The following ARHGEF10 variants were observed in gnomAD, a reference collection of about 807,000 sequenced individuals.
ARHGEF10 encodes Rho guanine nucleotide exchange factor (GEF) 10.
A neutral mutation model predicts 147.4 loss-of-function variants in ARHGEF10; 140 were observed. The ratio of observed to expected loss-of-function variants is 0.95; its 90% CI spans 0.83 to 1.09. The LOEUF is 1.09. Ranked by LOEUF, ARHGEF10 falls within the 50% of genes least tolerant of loss-of-function variation. ARHGEF10 has a pLI of 0.00. For missense variants in ARHGEF10, 2,222 were observed against 1,752.7 expected (o/e 1.27, Z -4.78); for synonymous variants, 902 against 695.8 (o/e 1.30, Z -4.67).
intron 7 of ARHGEF10, among the ~76,000 whole-genome samples, chr8:1,874,717 C>T (rs528635386): frequency 5.2e-4 from 77 of 147,954 alleles, no homozygotes; most frequent in African/African-American, 1.6e-3. Context: ...AGACACACAC[C>T]GGGGTGTGTA....
At chr8:1,887,621 T>C (rs1808790781) in intron 11 of ARHGEF10, among the ~76,000 whole-genome samples, 1 of 143,506 alleles carries the variant, frequency 7.0e-6, no homozygotes, top group African/African-American at 2.6e-5. Flanking sequence ...CAGGTGAGGG[T>C]TGTGAGGAGA....
intron 18 of ARHGEF10, among the ~76,000 whole-genome samples, chr8:1,918,921 G>A (rs540973206): frequency 1.3e-5 from 2 of 151,892 alleles, no homozygotes; most frequent in Non-Finnish European, 2.9e-5. Flanking sequence ...GGTGTTCTGT[G>A]AGTGATGGAG....
intron 4 of ARHGEF10, among the ~76,000 whole-genome samples, chr8:1,862,500 C>T (rs541489720): frequency 3.3e-5 from 5 of 152,372 alleles, no homozygotes; most frequent in South Asian, 4.1e-4. Flanking sequence ...CCCTGGCCAG[C>T]GTGTCTGCCT....
chr8:1,914,500 G>A (rs1019679382), intron 18 of ARHGEF10, among the ~76,000 whole-genome samples: 4 of 152,264 alleles, frequency 2.6e-5, no homozygotes, highest in African/African-American at 7.2e-5. Context: ...TCCAGAGTAA[G>A]GTACTTCTGG....
At chr8:1,889,056 TGAG>T (rs1270003941) in intron 11 of ARHGEF10, among the ~76,000 whole-genome samples, 1 of 88,692 alleles carries the variant, frequency 1.1e-5, no homozygotes, top group African/African-American at 5.8e-5. Context: ...GTGCGGGTCA[TGAG>T]GAGACAGTGA....
chr8:1,864,259 G>A (rs1806391811), intron 4 of ARHGEF10, 114 bp from the exon 5 acceptor site: 1 of 1,055,148 alleles, frequency 9.5e-7, no homozygotes, highest in African/African-American at 1.6e-5. Context: ...CTTATGCTAA[G>A]ATAAGCCTCT....
intron 1 of ARHGEF10, among the ~76,000 whole-genome samples, chr8:1,840,512 G>A (rs557528319): frequency 6.3e-5 from 9 of 143,042 alleles, no homozygotes; most frequent in Non-Finnish European, 9.1e-5. Flanking sequence ...GGGACTGTCC[G>A]GTGTGGAATC....
rs769790083 is a variant in ARHGEF10 at position 1,957,052 on chromosome 8, G to C, written c.3824G>C (p.Arg1275Thr). 6.8e-6 allele frequency: 11 copies of C among 1,613,722 alleles called. No homozygotes were observed. Among genetic ancestry groups the C allele is most frequent in the Non-Finnish European group, 5.1e-6 (6 of 1,180,032 alleles). The change falls in exon 29 of 29, where the codon AGA becomes ACA. Residue 1275 changes from arginine (R) to threonine (T), a missense_variant. Coordinates refer to ENST00000349830, the MANE Select transcript of ARHGEF10 (RefSeq NM_014629.4). ...CACGGCTCCAGCTCTCTAGAGCACAGATCAGAGGACAGCACCATCTATGAT... is the reference window on the plus strand; with the variant it reads ...CACGGCTCCAGCTCTCTAGAGCACACATCAGAGGACAGCACCATCTATGAT... ...LSHGSSSLEH[R>T]SEDSTIYDLL...
rs563775832 is a variant in ARHGEF10, at chr8:1,919,520, T to C, written c.2144-3444T>C. ...TTCCGTGGGTGATGGAGCTATTCTG[T>C]GGGTGATAAACTGTTCTGTCGAGTG... On this transcript the variant is annotated intron_variant, in intron 18 of 28. Coordinates refer to ENST00000349830, the MANE Select transcript of ARHGEF10 (RefSeq NM_014629.4). Among the ~76,000 whole-genome samples, 27 of 144,384 alleles carry C rather than the reference T, an allele frequency of 1.9e-4. 1 individual carries two copies. The highest frequency in any genetic ancestry group is 6.8e-4 in the African/African-American group (26 of 38,158). 94.7% of individuals were successfully genotyped at this position (144,384 alleles called of 152,430 possible).
At chr8:1,935,406 G>A (rs574852456) in intron 26 of ARHGEF10, among the ~76,000 whole-genome samples, 209 of 152,242 alleles carry the variant, frequency 1.4e-3, no homozygotes, top group Non-Finnish European at 2.6e-3. Flanking sequence ...CTACAGCATC[G>A]CGCAGAGTGG....
At chr8:1,869,336 C>G (rs760341794) in intron 7 of ARHGEF10, 86 bp downstream of exon 7, 2 of 1,162,152 alleles carry the variant, frequency 1.7e-6, no homozygotes, top group Non-Finnish European at 1.3e-6. Context: ...TAGTGGACGG[C>G]CCAGACGTTT....
chr8:1,891,421 G>A (rs1414460032), intron 11 of ARHGEF10, among the ~76,000 whole-genome samples: 4 of 152,190 alleles, frequency 2.6e-5, no homozygotes, highest in Admixed American at 2.6e-4. Flanking sequence ...GTGGAAAAAG[G>A]CAAATGTTCT....
At chr8:1,841,891 C>T (rs1357557290) in intron 1 of ARHGEF10, among the ~76,000 whole-genome samples, 1 of 103,140 alleles carries the variant, frequency 9.7e-6, no homozygotes, top group Non-Finnish European at 1.9e-5. Flanking sequence ...GGGGCCGCGG[C>T]GGGAACTGGG....
Position 1,843,696 on chromosome 8 carries a change from A to G in ARHGEF10, c.37+260A>G, listed in dbSNP as rs144534667. Among the ~76,000 whole-genome samples, 271 of 152,276 alleles carry G rather than the reference A, an allele frequency of 1.8e-3. 1 individual carries two copies. Among genetic ancestry groups the G allele is most frequent in the African/African-American group, 6.3e-3 (261 of 41,564 alleles). ...TGGGGACCTATGGTCAGCATCTGAA[A>G]TTCCCTTAAGATTCCCCTTAGCCTG... On this transcript the variant is annotated intron_variant, in intron 2 of 28. Coordinates refer to ENST00000349830, the MANE Select transcript of ARHGEF10 (RefSeq NM_014629.4).
At position 1,861,140 on chromosome 8, in the gene ARHGEF10, C is replaced by T. The variant is rs1376988103; in HGVS notation, c.481+956C>T. Among the ~76,000 whole-genome samples, 9 of 152,354 alleles carry T rather than the reference C, an allele frequency of 5.9e-5. No homozygotes were observed. In the East Asian group the frequency reaches 1.5e-3, roughly 26 times the overall value. On this transcript the variant is annotated intron_variant, in intron 4 of 28. Coordinates refer to ENST00000349830, the MANE Select transcript of ARHGEF10 (RefSeq NM_014629.4). ...TCTGTGTCCTCAGCGCTGACAGCTC[C>T]ATTTCGAGTCTGCTTCCTCCTCCAC...
chr8:1,832,752 ACAGAGACAGAGG>A lies in ARHGEF10; in HGVS notation c.-48+8663_-48+8674del, dbSNP rs1202749998. On this transcript the variant is annotated intron_variant, in intron 1 of 28. Coordinates refer to ENST00000349830, the MANE Select transcript of ARHGEF10 (RefSeq NM_014629.4). ...GACAGAGGCAGAGGCAGAGGCAGAG[ACAGAGACAGAGG>A]CAGAGACAGAGGCAGAGACAGAGAG... Among the ~76,000 whole-genome samples, 24 of 103,658 alleles carry A rather than the reference ACAGAGACAGAGG, an allele frequency of 2.3e-4. 2 individuals are homozygous for A. The highest frequency in any genetic ancestry group is 3.7e-4 in the South Asian group (1 of 2,688). The allele number at this position is 103,658 out of a possible 152,430, so 68.0% of individuals were successfully genotyped here.
Position 1,864,466 on chromosome 8 carries a change from G to A in ARHGEF10, c.545+30G>A, listed in dbSNP as rs777147914. On this transcript the variant is annotated intron_variant, in intron 5 of 28. Transcript: ENST00000349830. ...CTGCATCCGTCTTCCCACACCTGCT[G>A]AATTCCCGCCTTTCTCCTGAGGAGC... 19 of 1,603,410 alleles carry A rather than the reference G, an allele frequency of 1.2e-5. No individual in the cohort carries two copies. In the South Asian group the frequency reaches 1.9e-4, roughly 16 times the overall value.
In ARHGEF10 at chr8:1,845,624, G is replaced by A. The variant is rs1379117132; in HGVS notation, c.37+2188G>A. Among the ~76,000 whole-genome samples the A allele has an allele frequency of 3.3e-5, 5 of 152,186 alleles. No individual in the cohort carries two copies. The South Asian group carries it at 6.2e-4, about 19-fold the overall frequency. ...TTTTGCCCTCTGTTTCAAAGAAGGCGGAAACACCGTTTTCTCATTAAATTT... is the reference window on the plus strand; with the variant it reads ...TTTTGCCCTCTGTTTCAAAGAAGGCAGAAACACCGTTTTCTCATTAAATTT... On this transcript the variant is annotated intron_variant, in intron 2 of 28. Coordinates refer to ENST00000349830, the MANE Select transcript of ARHGEF10 (RefSeq NM_014629.4).
intron 13 of ARHGEF10, among the ~76,000 whole-genome samples, chr8:1,895,376 C>T (rs1224866262): frequency 6.6e-6 from 1 of 152,106 alleles, no homozygotes; most frequent in Non-Finnish European, 1.5e-5. Flanking sequence ...AAAAAGTGTT[C>T]CTCTTCTTAA....
Sources: gnomAD v4.1 joint callset for allele counts (sites outside exome capture counted in the v4.1 genomes callset) on GRCh38, gnomAD v4.1.1 for gene constraint, MANE v1.5 for transcripts, NCBI Gene and HGNC (gene_info 2026-07-23, HGNC 2026-07-21) for gene names.